PTPRD: variants seen among roughly 807,000 people sequenced by gnomAD.
PTPRD encodes protein tyrosine phosphatase receptor type D.
PTPRD carries 34 observed loss-of-function variants against 214.5 expected under a neutral mutation model. That is an observed-to-expected ratio of 0.16 (90% confidence interval 0.12 to 0.21). The LOEUF is 0.21. Among genes scored for constraint, PTPRD ranks in the 10% least tolerant of loss-of-function variants. The pLI is 1.00. For missense variants in PTPRD, 2,545 were observed against 2,398.7 expected (o/e 1.06, Z -1.27); for synonymous variants, 1,128 against 845.7 (o/e 1.33, Z -5.79).
At chr9:9,831,314 C>A (rs1040631180) in intron 5 of PTPRD, among the ~76,000 whole-genome samples, 1 of 151,936 alleles carries the variant, frequency 6.6e-6, no homozygotes. Context: ...CTTTTAGCCT[C>A]AGGCTGAGGT....
intron 8 of PTPRD, among the ~76,000 whole-genome samples, chr9:9,544,617 C>G (rs1256094723): frequency 6.6e-6 from 1 of 151,450 alleles, no homozygotes. Context: ...ACATTTTAAC[C>G]AAAAATATTT....
chr9:9,143,911 T>C (rs2099864274), intron 10 of PTPRD, among the ~76,000 whole-genome samples: 1 of 152,216 alleles, frequency 6.6e-6, no homozygotes, highest in African/African-American at 2.4e-5. Context: ...CCTCAGTACA[T>C]GTTTTGTGAG....
At chr9:10,005,442 G>A (rs1177183400) in intron 4 of PTPRD, among the ~76,000 whole-genome samples, 1 of 152,094 alleles carries the variant, frequency 6.6e-6, no homozygotes, top group Non-Finnish European at 1.5e-5. Context: ...TCCTTGGCAG[G>A]AAGCCTGGAC....
chr9:8,516,245 T>C (rs2097778649), intron 21 of PTPRD, among the ~76,000 whole-genome samples: 1 of 152,206 alleles, frequency 6.6e-6, no homozygotes, highest in Non-Finnish European at 1.5e-5. Context: ...CAGCCTACAG[T>C]ATTTTTTTTC....
At chr9:8,760,082 C>T (rs747253515) in intron 11 of PTPRD, among the ~76,000 whole-genome samples, 25 of 152,282 alleles carry the variant, frequency 1.6e-4, no homozygotes, top group Non-Finnish European at 3.4e-4. Flanking sequence ...AGGCGTGCGC[C>T]ACAACGCCCA....
chr9:10,607,136 T>A (rs2079613214), intron 2 of PTPRD, among the ~76,000 whole-genome samples: 1 of 151,892 alleles, frequency 6.6e-6, no homozygotes, highest in South Asian at 2.1e-4. Flanking sequence ...TCTTCCTTTT[T>A]AGCATCTAAT....
chr9:10,174,575 T>C (rs897496758), intron 3 of PTPRD, among the ~76,000 whole-genome samples: 1 of 151,586 alleles, frequency 6.6e-6, no homozygotes, highest in African/African-American at 2.4e-5. Context: ...CTATCATACA[T>C]CAACGAAAGA....
rs780667960 is a variant in PTPRD at position 8,484,313 on chromosome 9, G to A, written c.3219C>T (p.Val1073=). 3 of 1,613,950 alleles carry A rather than the reference G, an allele frequency of 1.9e-6. No individual in the cohort carries two copies. In the South Asian group the frequency reaches 3.3e-5, roughly 18 times the overall value. ...VDGRATQKLI[V]NLKPEKSYSF... Reference sequence around the variant, plus strand: ...AATATGATTTCTCAGGCTTCAGGTTGACAATTAACTTCTGTGTGGCTCGGC... The same window carrying A: ...AATATGATTTCTCAGGCTTCAGGTTAACAATTAACTTCTGTGTGGCTCGGC... Residue 1073 remains valine, a synonymous_variant, in exon 30 of 46, where the codon GTC becomes GTT. Coordinates refer to ENST00000381196, the MANE Select transcript of PTPRD (RefSeq NM_002839.4).
rs58832794 is a variant in PTPRD, at chr9:9,195,107, T to TATAC, written c.-202-11745_-202-11744insGTAT. On this transcript the variant is annotated intron_variant, in intron 9 of 45. Coordinates refer to ENST00000381196, the MANE Select transcript of PTPRD (RefSeq NM_002839.4). ...TTGTGTATATATATATATATATATATACACACACACACATATACATACATA... is the reference window on the plus strand; with the variant it reads ...TTGTGTATATATATATATATATATATATACACACACACACACATATACATACATA... 1.1e-3 allele frequency among the ~76,000 whole-genome samples: 150 copies of TATAC among 141,178 alleles called. 1 individual carries two copies. Among genetic ancestry groups the TATAC allele is most frequent in the South Asian group, 4.1e-3 (17 of 4,170 alleles). The allele number at this position is 141,178 out of a possible 152,430, so 92.6% of individuals were successfully genotyped here.
At chr9:9,611,848 T>C (rs2094530164) in intron 7 of PTPRD, among the ~76,000 whole-genome samples, 1 of 152,138 alleles carries the variant, frequency 6.6e-6, no homozygotes. Flanking sequence ...TTTCAAATAA[T>C]AAAGCTATGC....
intron 7 of PTPRD, among the ~76,000 whole-genome samples, chr9:9,666,809 T>A (rs1041121665): frequency 6.6e-6 from 1 of 152,028 alleles, no homozygotes; most frequent in Admixed American, 6.6e-5. Flanking sequence ...TAATAATCTA[T>A]CAACTCTAAG....
chr9:8,866,796 A>G (rs942727472), intron 11 of PTPRD, among the ~76,000 whole-genome samples: 1 of 151,782 alleles, frequency 6.6e-6, no homozygotes, highest in Middle Eastern at 3.2e-3. Context: ...TTTTTTCCTG[A>G]TTCCTCTACC....
chr9:10,199,567 T>C (rs2099411310), intron 3 of PTPRD, among the ~76,000 whole-genome samples: 1 of 152,078 alleles, frequency 6.6e-6, no homozygotes, highest in Admixed American at 6.6e-5. Flanking sequence ...GAGGGCTCTG[T>C]ACAGGTCATC....
intron 10 of PTPRD, among the ~76,000 whole-genome samples, chr9:9,144,652 T>C (rs1299197473): frequency 2.6e-5 from 4 of 151,520 alleles, no homozygotes; most frequent in African/African-American, 9.7e-5. Flanking sequence ...ACTCCGGAGG[T>C]TGAAGCACGA....
intron 44 of PTPRD, among the ~76,000 whole-genome samples, chr9:8,328,628 C>T (rs948252167): frequency 2.6e-5 from 4 of 151,842 alleles, no homozygotes; most frequent in African/African-American, 4.8e-5. Flanking sequence ...GAGTTTTCTC[C>T]AACTTGGTTC....
chr9:10,249,146 G>A (rs1472893417), intron 3 of PTPRD, among the ~76,000 whole-genome samples: 12 of 152,094 alleles, frequency 7.9e-5, no homozygotes, highest in Admixed American at 7.9e-4. Context: ...AAGTGATTTT[G>A]AGACATCTAT....
chr9:10,262,316 T>C (rs2093750129), intron 3 of PTPRD, among the ~76,000 whole-genome samples: 1 of 152,182 alleles, frequency 6.6e-6, no homozygotes, highest in Admixed American at 6.5e-5. Context: ...TGAGCATATA[T>C]TTTAGTTTGA....
intron 6 of PTPRD, among the ~76,000 whole-genome samples, chr9:9,736,536 C>G (rs1319707372): frequency 3.9e-5 from 6 of 151,960 alleles, no homozygotes; most frequent in Non-Finnish European, 7.4e-5. Flanking sequence ...GAAAATATGC[C>G]TATGTTCTAC....
At chr9:10,041,902 A>T (rs959569887) in intron 3 of PTPRD, among the ~76,000 whole-genome samples, 2 of 152,072 alleles carry the variant, frequency 1.3e-5, no homozygotes, top group African/African-American at 4.8e-5. Flanking sequence ...TCATCTGCTC[A>T]TGGCAAAATA....
Sources: allele counts gnomAD v4.1 joint callset (sites outside exome capture counted in the v4.1 genomes callset), GRCh38; gene constraint gnomAD v4.1.1; transcripts MANE v1.5; gene names NCBI Gene and HGNC (gene_info 2026-07-23, HGNC 2026-07-21).